Variants in NCOA1 observed in about 807,000 individuals in gnomAD.
NCOA1 encodes Hin-2 protein.
A neutral mutation model predicts 150.9 loss-of-function variants in NCOA1; 35 were observed. The observed-to-expected ratio is 0.23, with a 90% CI of 0.18 to 0.31. The LOEUF (loss-of-function observed/expected upper bound fraction) is 0.31. Among genes scored for constraint, NCOA1 ranks in the 10% least tolerant of loss-of-function variants. The pLI is 1.00. For missense variants in NCOA1, 1,491 were observed against 1,749.3 expected (o/e 0.85, Z 2.63); for synonymous variants, 590 against 630.0 (o/e 0.94, Z 0.95).
At chr2:24,745,746 AC>A (rs1663885257) in intron 19 of NCOA1, among the ~76,000 whole-genome samples, 1 of 151,944 alleles carries the variant, frequency 6.6e-6, no homozygotes, top group South Asian at 2.1e-4. Flanking sequence ...TTCCACCAAC[AC>A]CCCAAACTTA....
intron 3 of NCOA1, among the ~76,000 whole-genome samples, chr2:24,590,995 G>C (rs967329179): frequency 6.6e-6 from 1 of 152,124 alleles, no homozygotes. Context: ...TGGAGCACCT[G>C]TCATGAAGGT....
chr2:24,724,014 C>A (rs547815753), intron 14 of NCOA1, among the ~76,000 whole-genome samples: 4 of 152,128 alleles, frequency 2.6e-5, no homozygotes, highest in Non-Finnish European at 4.4e-5. Flanking sequence ...TTTTCTATAT[C>A]CTAATCTTGG....
chr2:24,492,371 G>GA (rs1663010678), intron 1 of NCOA1, among the ~76,000 whole-genome samples: 1 of 152,172 alleles, frequency 6.6e-6, no homozygotes, highest in African/African-American at 2.4e-5. Context: ...TAAAAGACCT[G>GA]AAAAAATCGG....
chr2:24,507,885 A>T (rs552917411), intron 1 of NCOA1, among the ~76,000 whole-genome samples: 2 of 152,048 alleles, frequency 1.3e-5, no homozygotes, highest in Non-Finnish European at 2.9e-5. Context: ...CTCTATGCCC[A>T]ATTTCTTCTT....
intron 3 of NCOA1, among the ~76,000 whole-genome samples, chr2:24,634,708 A>ACCCCCCCCCCCC (rs530645429): frequency 4.0e-4 from 16 of 39,720 alleles, no homozygotes; most frequent in African/African-American, 8.1e-4. Flanking sequence ...TAGGGGAGGA[A>ACCCCCCCCCCCC]CCCCCCCCCC....
Position 24,741,914 on chromosome 2 carries a change from C to T in NCOA1, c.3434C>T (p.Pro1145Leu), listed in dbSNP as rs774229431. The T allele has an allele frequency of 8.7e-6, 14 of 1,614,234 alleles. No individual in the cohort carries two copies. The East Asian group carries it at 2.9e-4, about 33-fold the overall frequency. ...CAGCAAAGCTTTGGGAACAACCTCC[C>T]TCCCTCATCTGGACTACCAGTTCAA... ...MRQQSFGNNL[P>L]PSSGLPVQMG... is the part of the protein sequence containing the mutation. The change falls in exon 19 of 23, where the codon CCT becomes CTT. Residue 1145 changes from proline to leucine, a missense_variant. Pro to Leu is a moderately conservative substitution (Grantham distance 98, BLOSUM62 -3). Transcript: ENST00000348332.
At chr2:24,634,532 A>G (rs1669847855) in intron 3 of NCOA1, among the ~76,000 whole-genome samples, 1 of 152,180 alleles carries the variant, frequency 6.6e-6, no homozygotes, top group Non-Finnish European at 1.5e-5. Flanking sequence ...ATTAACCAGT[A>G]CATACGCCAG....
intron 5 of NCOA1, among the ~76,000 whole-genome samples, chr2:24,663,221 A>G (rs1671266089): frequency 1.3e-5 from 2 of 152,100 alleles, no homozygotes; most frequent in Admixed American, 1.3e-4. Flanking sequence ...CTACTTATAG[A>G]TTCGTTAACT....
intron 8 of NCOA1, among the ~76,000 whole-genome samples, chr2:24,685,267 A>G (rs1037483761): frequency 1.3e-5 from 2 of 152,154 alleles, no homozygotes; most frequent in African/African-American, 2.4e-5. Context: ...CAGTGTCTAA[A>G]ATCTGTACTT....
rs1235624222 is a variant in NCOA1, at chr2:24,665,645, GATAAAA to G, written c.90-98_90-93del. 11 of 947,068 alleles carry G rather than the reference GATAAAA, an allele frequency of 1.2e-5. No individual in the cohort carries two copies. In the East Asian group the frequency reaches 1.6e-4, roughly 14 times the overall value. 58.7% of individuals were successfully genotyped at this position (947,068 alleles called of 1,614,324 possible). A position where few individuals can be genotyped will look rare whatever the true frequency, so the allele number is the denominator to read the frequency against. On this transcript the variant is annotated intron_variant, in intron 5 of 22. Transcript: ENST00000348332. ...TTTCTAAATCTGGTTTTATATTTTCGATAAAAATAAAGATCTCACTAAATGTGTAAG... is the reference window on the plus strand; with the variant it reads ...TTTCTAAATCTGGTTTTATATTTTCGATAAAGATCTCACTAAATGTGTAAG...
intron 3 of NCOA1, among the ~76,000 whole-genome samples, chr2:24,635,516 T>A: frequency 6.6e-6 from 1 of 152,174 alleles, no homozygotes; most frequent in Admixed American, 6.5e-5. Context: ...ACTGTCAGGT[T>A]TTATAAAAGA....
intron 14 of NCOA1, among the ~76,000 whole-genome samples, chr2:24,724,236 C>G (rs538091503): frequency 6.6e-6 from 1 of 152,124 alleles, no homozygotes; most frequent in African/African-American, 2.4e-5. Context: ...TGTTTTCTGC[C>G]CCTACTTCAG....
Position 24,707,566 on chromosome 2 carries a change from C to T in NCOA1, c.2096C>T (p.Pro699Leu). The change falls in exon 13 of 23, where the codon CCC (proline) becomes CTC (leucine). Residue 699 changes from proline (P) to leucine (L), a missense_variant. By Grantham distance (98) the Pro-to-Leu change is moderately conservative. Around this residue, in one of 8 missense-constraint regions of NCOA1, gnomAD observed 703 missense variants for 717.7 expected, o/e 0.98. Transcript: ENST00000348332. Reference protein sequence around the residue: ...ILHRLLQEGSPSDITTLSVEP... With the variant: ...ILHRLLQEGSLSDITTLSVEP... ...CACCGGCTCTTACAGGAGGGTAGCC[C>T]CTCAGATATCACCACTTTGTCTGTC... The T allele has an allele frequency of 6.2e-7, 1 of 1,614,140 alleles. No individual in the cohort carries two copies. The highest frequency in any genetic ancestry group is 8.5e-7 in the Non-Finnish European group (1 of 1,180,018).
rs548659558 is a variant in NCOA1 at position 24,607,773 on chromosome 2, C to T, written c.-175+23213C>T. Reference sequence around the variant, plus strand: ...TTAAGGTTATACTGGCTTCATAAAACGAGTTGGGGAATGAATATTTTCTCT... The same window carrying T: ...TTAAGGTTATACTGGCTTCATAAAATGAGTTGGGGAATGAATATTTTCTCT... On this transcript the variant is annotated intron_variant, in intron 3 of 22. Transcript: ENST00000348332. Among the ~76,000 whole-genome samples, 9 of 151,804 alleles carry T rather than the reference C, an allele frequency of 5.9e-5. No individual in the cohort carries two copies. The South Asian group carries it at 1.5e-3, about 25-fold the overall frequency.
chr2:24,747,133 A>T (rs1663965693), intron 19 of NCOA1, among the ~76,000 whole-genome samples: 1 of 152,062 alleles, frequency 6.6e-6, no homozygotes, highest in Admixed American at 6.6e-5. Flanking sequence ...ACCACAAAAA[A>T]GTCATCTTCT....
chr2:24,699,420 A>G (rs1281797155), intron 11 of NCOA1, among the ~76,000 whole-genome samples: 1 of 152,202 alleles, frequency 6.6e-6, no homozygotes, highest in African/African-American at 2.4e-5. Flanking sequence ...CATACAATGA[A>G]TTGATTAAAG....
intron 3 of NCOA1, among the ~76,000 whole-genome samples, chr2:24,620,212 A>T (rs1260413268): frequency 6.6e-6 from 1 of 152,162 alleles, no homozygotes; most frequent in Admixed American, 6.5e-5. Context: ...ATAAACTGGC[A>T]ATAATTTCAG....
At chr2:24,611,322 A>G (rs902429067) in intron 3 of NCOA1, among the ~76,000 whole-genome samples, 2 of 152,156 alleles carry the variant, frequency 1.3e-5, no homozygotes, top group Admixed American at 1.3e-4. Flanking sequence ...GTATACGTGT[A>G]CCACATTTAA....
At chr2:24,684,387 A>G (rs1229140416) in intron 8 of NCOA1, among the ~76,000 whole-genome samples, 1 of 152,214 alleles carries the variant, frequency 6.6e-6, no homozygotes, top group Non-Finnish European at 1.5e-5. Flanking sequence ...ACTCCTGAAG[A>G]ACGGGCTTAT....
Sources: allele counts gnomAD v4.1 joint callset (sites outside exome capture counted in the v4.1 genomes callset), GRCh38; gene constraint gnomAD v4.1.1; regional missense constraint gnomAD v4.1.1; transcripts MANE v1.5; gene names NCBI Gene and HGNC (gene_info 2026-07-23, HGNC 2026-07-21).